PIK3C2G: variants seen among roughly 807,000 people sequenced by gnomAD.
PIK3C2G encodes phosphatidylinositol-4-phosphate 3-kinase catalytic subunit type 2 gamma, also known as phosphatidylinositol 3-kinase C2 domain-containing subunit gamma.
PIK3C2G carries 168 observed loss-of-function variants against 181.1 expected under a neutral mutation model. That is an observed-to-expected ratio of 0.93 (90% CI 0.82 to 1.05). The LOEUF is 1.05. Ranked by LOEUF, PIK3C2G falls within the 50% of genes least tolerant of loss-of-function variation. PIK3C2G has a pLI of 0.00. For synonymous variants in PIK3C2G, 573 were observed against 592.2 expected (o/e 0.97, Z 0.47); for missense variants, 1,869 against 1,732.8 (o/e 1.08, Z -1.40).
the PIK3C2G span, among the ~76,000 whole-genome samples, chr12:18,691,841 A>G: frequency 6.6e-6 from 1 of 152,154 alleles, no homozygotes; most frequent in Non-Finnish European, 1.5e-5. Context: ...GACAATACAA[A>G]AGCCAGCTAC....
chr12:18,353,350 T>C (rs1334006965), intron 11 of PIK3C2G, among the ~76,000 whole-genome samples: 1 of 152,166 alleles, frequency 6.6e-6, no homozygotes, highest in East Asian at 1.9e-4. Context: ...AGGTTAAGTA[T>C]GCATGGGTCA....
At chr12:18,662,599 T>C in the PIK3C2G span, among the ~76,000 whole-genome samples, 79,317 of 151,920 alleles carry the variant, frequency 0.52, 21,843 homozygotes, top group South Asian at 0.67. Flanking sequence ...TCTGCAGCTA[T>C]ACATTTTGTT....
chr12:18,421,319 T>C (rs1487354988), intron 17 of PIK3C2G, among the ~76,000 whole-genome samples: 2 of 152,052 alleles, frequency 1.3e-5, no homozygotes, highest in East Asian at 3.8e-4. Context: ...AATATGTATA[T>C]ATAAAATGAT....
intron 5 of PIK3C2G, among the ~76,000 whole-genome samples, chr12:18,312,733 T>C (rs1950692283): frequency 6.6e-6 from 1 of 152,142 alleles, no homozygotes; most frequent in Non-Finnish European, 1.5e-5. Context: ...GGGATAGGAA[T>C]AGGCACTGAA....
rs376892797 is a variant in PIK3C2G at position 18,464,870 on chromosome 12, G to T, written c.2505-23579G>T. ...TGGATGCCATGAATATTTATTGTGA[G>T]TACTGATATTTTTGGATTTATTTCT... On this transcript the variant is annotated intron_variant, in intron 18 of 32. Coordinates refer to ENST00000538779, the MANE Select transcript of PIK3C2G (RefSeq NM_001288772.2). Among the ~76,000 whole-genome samples the T allele has an allele frequency of 2.0e-5, 3 of 151,992 alleles. No individual in the cohort carries two copies. In the East Asian group the frequency reaches 5.8e-4, roughly 29 times the overall value.
At chr12:18,447,141 C>G (rs1947072055) in intron 18 of PIK3C2G, among the ~76,000 whole-genome samples, 1 of 152,098 alleles carries the variant, frequency 6.6e-6, no homozygotes, top group Non-Finnish European at 1.5e-5. Flanking sequence ...CATGTTACCC[C>G]TATTTGGTTC....
At chr12:18,666,423 G>T in the PIK3C2G span, among the ~76,000 whole-genome samples, 1 of 152,044 alleles carries the variant, frequency 6.6e-6, no homozygotes, top group Non-Finnish European at 1.5e-5. Flanking sequence ...AAAAAGAGCT[G>T]GGGTGGCTAT....
At chr12:18,304,422 A>G (rs1950334091) in intron 5 of PIK3C2G, among the ~76,000 whole-genome samples, 1 of 152,058 alleles carries the variant, frequency 6.6e-6, no homozygotes, top group South Asian at 2.1e-4. Context: ...ATGCCCAGCT[A>G]ATTTTTGTAT....
chr12:18,627,056 C>T (rs908770824), intron 31 of PIK3C2G, among the ~76,000 whole-genome samples: 1 of 151,726 alleles, frequency 6.6e-6, no homozygotes, highest in Admixed American at 6.6e-5. Flanking sequence ...CATAAATTTT[C>T]CTTCTTCCAT....
intron 18 of PIK3C2G, among the ~76,000 whole-genome samples, chr12:18,439,434 G>C (rs1021141949): frequency 6.6e-6 from 1 of 151,962 alleles, no homozygotes; most frequent in East Asian, 1.9e-4. Context: ...CTTTTAAAGC[G>C]TTATTTAATG....
intron 18 of PIK3C2G, among the ~76,000 whole-genome samples, chr12:18,457,326 A>T (rs1368245653): frequency 6.6e-6 from 1 of 152,182 alleles, no homozygotes; most frequent in African/African-American, 2.4e-5. Context: ...TTTGGATGGC[A>T]ATTGAGGAAG....
chr12:18,292,210 C>CAAAAAAAAAAAAAAAAAA (rs745371375), intron 4 of PIK3C2G, among the ~76,000 whole-genome samples: 1 of 28,620 alleles, frequency 3.5e-5, no homozygotes, highest in Non-Finnish European at 6.4e-5. Context: ...AACTCCATCT[C>CAAAAAAAAAAAAAAAAAA]AAAAAAAAAA....
chr12:18,314,561 AG>A (rs1174033478), intron 6 of PIK3C2G: 12 of 152,386 alleles, frequency 7.9e-5, no homozygotes, highest in African/African-American at 2.9e-4. Flanking sequence ...GTCTGCACAC[AG>A]GAAAAGGGCT....
At chr12:18,282,947 T>TA (rs973236914) in intron 2 of PIK3C2G, among the ~76,000 whole-genome samples, 188 bp downstream of exon 2, 1,372 of 133,680 alleles carry the variant, frequency 0.01, 26 homozygotes, top group African/African-American at 0.036. Context: ...AAAGGGAAAT[T>TA]AAAAAAAAAA....
the PIK3C2G span, among the ~76,000 whole-genome samples, chr12:18,705,569 T>C: frequency 6.6e-6 from 1 of 152,152 alleles, no homozygotes; most frequent in African/African-American, 2.4e-5. Context: ...AGTACTTATT[T>C]AAATAAATTA....
intron 27 of PIK3C2G, among the ~76,000 whole-genome samples, 165 bp from the exon 28 acceptor site, chr12:18,563,212 A>G (rs1945440320): frequency 6.6e-6 from 1 of 152,180 alleles, no homozygotes; most frequent in Non-Finnish European, 1.5e-5. Context: ...ACTCTTAGAT[A>G]TTATTTATAT....
At chr12:18,660,451 G>A in the PIK3C2G span, among the ~76,000 whole-genome samples, 5 of 152,108 alleles carry the variant, frequency 3.3e-5, no homozygotes, top group South Asian at 2.1e-4. Flanking sequence ...AAGGGCCAGC[G>A]CCTCGGCACC....
At chr12:18,668,075 G>A in the PIK3C2G span, among the ~76,000 whole-genome samples, 8 of 152,026 alleles carry the variant, frequency 5.3e-5, no homozygotes, top group African/African-American at 1.4e-4. Context: ...TCCACTTAGC[G>A]TAATTATACT....
At chr12:18,512,827 T>C (rs556396835) in intron 24 of PIK3C2G, among the ~76,000 whole-genome samples, 19 of 151,934 alleles carry the variant, frequency 1.3e-4, no homozygotes, top group Non-Finnish European at 2.5e-4. Context: ...CTTCCAGTAC[T>C]ATGCTGAAAA....
Sources: allele counts gnomAD v4.1 joint callset (sites outside exome capture counted in the v4.1 genomes callset), GRCh38; gene constraint gnomAD v4.1.1; transcripts MANE v1.5; gene names NCBI Gene and HGNC (gene_info 2026-07-23, HGNC 2026-07-21).